The following FARS2 variants were observed in gnomAD, a reference collection of about 807,000 sequenced individuals.
FARS2 encodes phenylalanyl-tRNA synthetase 2, mitochondrial, also known as phenylalanine--tRNA ligase, mitochondrial.
In FARS2, 40 loss-of-function variants were observed where a neutral mutation model predicts 46.4. The ratio of observed to expected loss-of-function variants is 0.86; its 90% CI spans 0.67 to 1.12. The LOEUF is 1.12. Ranked by LOEUF, FARS2 falls within the 50% of genes most tolerant of loss-of-function variation. FARS2 has a pLI of 0.00. For missense variants in FARS2, 513 were observed against 567.9 expected, an observed-to-expected ratio of 0.90 and a Z score of 0.98; for synonymous variants, 234 against 214.9, an observed-to-expected ratio of 1.09 and a Z score of -0.78.
At chr6:5,692,296 G>T (rs1456906383) in intron 6 of FARS2, among the ~76,000 whole-genome samples, 1 of 152,228 alleles carries the variant, frequency 6.6e-6, no homozygotes, top group Non-Finnish European at 1.5e-5. Flanking sequence ...GGGAGCTGCA[G>T]ACTGGAGCTG....
intron 1 of FARS2, among the ~76,000 whole-genome samples, chr6:5,299,485 T>A (rs889104636): frequency 6.6e-6 from 1 of 152,224 alleles, no homozygotes; most frequent in African/African-American, 2.4e-5. Flanking sequence ...CAGCAATGGC[T>A]GTCTTGGACT....
chr6:5,370,394 G>A (rs891575016), intron 2 of FARS2, among the ~76,000 whole-genome samples: 5 of 152,044 alleles, frequency 3.3e-5, no homozygotes, highest in African/African-American at 4.8e-5. Context: ...TGGAATAGCT[G>A]ACTATTTTCC....
chr6:5,307,179 A>C (rs912253849), intron 1 of FARS2, among the ~76,000 whole-genome samples: 1 of 152,152 alleles, frequency 6.6e-6, no homozygotes, highest in African/African-American at 2.4e-5. Flanking sequence ...TAAAATCTTT[A>C]CTTGCTCTTT....
chr6:5,322,398 A>G (rs1296003681), intron 1 of FARS2, among the ~76,000 whole-genome samples: 1 of 152,218 alleles, frequency 6.6e-6, no homozygotes, highest in Non-Finnish European at 1.5e-5. Flanking sequence ...ATGAACCACA[A>G]TGAAGAGTGT....
Position 5,680,397 on chromosome 6 carries a change from G to A in FARS2, c.1217+67077G>A, listed in dbSNP as rs138849558. ...TCACCTGCCATTGTTTATCCACAGG[G>A]CCAGCTAGAAAAGGATTTCTGGTAG... is the stretch of plus-strand genomic sequence containing the variant. On this transcript the variant is annotated intron_variant, in intron 6 of 6. Transcript: ENST00000274680. 9.0e-4 allele frequency among the ~76,000 whole-genome samples: 137 copies of A among 152,294 alleles called. 1 individual carries two copies. Among genetic ancestry groups the A allele is most frequent in the African/African-American group, 3.2e-3 (133 of 41,562 alleles).
chr6:5,314,473 C>G (rs952812478), intron 1 of FARS2, among the ~76,000 whole-genome samples: 1 of 152,064 alleles, frequency 6.6e-6, no homozygotes, highest in Non-Finnish European at 1.5e-5. Flanking sequence ...CCAAGGTGAC[C>G]AAGTTACACT....
intron 5 of FARS2, among the ~76,000 whole-genome samples, chr6:5,554,319 C>T (rs556137626): frequency 7.9e-5 from 12 of 152,102 alleles, no homozygotes; most frequent in South Asian, 2.1e-4. Flanking sequence ...AAGCTAAAGA[C>T]GAGGAAAGAA....
At chr6:5,349,826 T>C (rs1757458804) in intron 1 of FARS2, among the ~76,000 whole-genome samples, 1 of 152,158 alleles carries the variant, frequency 6.6e-6, no homozygotes, top group Non-Finnish European at 1.5e-5. Flanking sequence ...TTTAGTAGAA[T>C]GTCTGTCAGT....
rs1161591819 is a variant in FARS2, at chr6:5,450,410, G to A, written c.904+19238G>A. Reference sequence around the variant, plus strand: ...TGCAGGGGCAAACTAGTTTGGTAAGGGGCCAAGTGGTAGGCATTTGGGTTT... The same window carrying A: ...TGCAGGGGCAAACTAGTTTGGTAAGAGGCCAAGTGGTAGGCATTTGGGTTT... On this transcript the variant is annotated intron_variant, in intron 4 of 6. Transcript: ENST00000274680. Among the ~76,000 whole-genome samples the A allele has an allele frequency of 2.0e-5, 3 of 152,052 alleles. No individual in the cohort carries two copies. The East Asian group carries it at 5.8e-4, about 30-fold the overall frequency.
At chr6:5,309,400 T>C (rs189911084) in intron 1 of FARS2, among the ~76,000 whole-genome samples, 1 of 152,232 alleles carries the variant, frequency 6.6e-6, no homozygotes, top group Admixed American at 6.5e-5. Context: ...TGTTGAACTT[T>C]TATCTTTTAG....
At chr6:5,566,180 A>G (rs542967401) in intron 5 of FARS2, among the ~76,000 whole-genome samples, 21 of 152,284 alleles carry the variant, frequency 1.4e-4, no homozygotes, top group African/African-American at 4.3e-4. Context: ...CCCAAAGCCA[A>G]TTGGCTTATT....
chr6:5,344,085 C>T (rs1035263527), intron 1 of FARS2, among the ~76,000 whole-genome samples: 1 of 152,136 alleles, frequency 6.6e-6, no homozygotes, highest in Non-Finnish European at 1.5e-5. Context: ...GTTCACCGAA[C>T]GACACAGAAG....
intron 1 of FARS2, among the ~76,000 whole-genome samples, chr6:5,362,116 C>T (rs1758343021): frequency 6.6e-6 from 1 of 152,164 alleles, no homozygotes; most frequent in South Asian, 2.1e-4. Context: ...CTTCTTAGAG[C>T]AGTCTTGTAG....
At chr6:5,740,954 C>A (rs1165601415) in intron 6 of FARS2, among the ~76,000 whole-genome samples, 1 of 152,166 alleles carries the variant, frequency 6.6e-6, no homozygotes, top group Non-Finnish European at 1.5e-5. Context: ...TGACAGCTTA[C>A]TGGATCTACT....
chr6:5,726,131 A>C (rs188417840), intron 6 of FARS2, among the ~76,000 whole-genome samples: 15 of 152,204 alleles, frequency 9.9e-5, no homozygotes, highest in Non-Finnish European at 1.8e-4. Context: ...GTGTTCACTC[A>C]CATAAGTAGA....
chr6:5,294,472 T>G (rs1199387328), intron 1 of FARS2, among the ~76,000 whole-genome samples: 1 of 152,174 alleles, frequency 6.6e-6, no homozygotes. Flanking sequence ...AGGCACCGGT[T>G]GGATGTCCTC....
At chr6:5,621,399 G>A (rs562710457) in intron 6 of FARS2, among the ~76,000 whole-genome samples, 7 of 152,166 alleles carry the variant, frequency 4.6e-5, no homozygotes, top group South Asian at 2.1e-4. Context: ...CCAAGATCCC[G>A]GTTTTTATGG....
At chr6:5,250,205 A>AT in the FARS2 span, among the ~76,000 whole-genome samples, 1 of 151,796 alleles carries the variant, frequency 6.6e-6, no homozygotes, top group African/African-American at 2.4e-5. Context: ...ATTTTATTAT[A>AT]TTTTACTATA....
intron 5 of FARS2, chr6:5,609,960 A>G (rs1775078387): frequency 7.9e-7 from 1 of 1,269,816 alleles, no homozygotes; most frequent in Non-Finnish European, 1.1e-6. Context: ...CAACTCTTCC[A>G]TCCACCTTGT....
Sources: gnomAD v4.1 joint callset for allele counts (sites outside exome capture counted in the v4.1 genomes callset) on GRCh38, gnomAD v4.1.1 for gene constraint, MANE v1.5 for transcripts, NCBI Gene and HGNC (gene_info 2026-07-23, HGNC 2026-07-21) for gene names.